Variants in ZPBP observed in about 807,000 individuals in gnomAD.
ZPBP encodes zona pellucida-binding protein 1.
Under a neutral mutation model 44.8 loss-of-function variants are expected in ZPBP, and 26 were observed. That is an observed-to-expected ratio of 0.58 (90% CI 0.43 to 0.81). ZPBP has a LOEUF of 0.81. ZPBP is among the 30% of genes least tolerant of loss of function. The pLI, the probability that ZPBP is intolerant of heterozygous loss-of-function variation, is 0.00. For synonymous variants in ZPBP, 174 were observed against 153.2 expected (o/e 1.14, Z -1.00); for missense variants, 409 against 434.0 (o/e 0.94, Z 0.51).
Position 50,057,900 on chromosome 7 carries a change from A to G in ZPBP, c.487+89T>C, listed in dbSNP as rs1414088935. 18 of 1,246,078 alleles carry G rather than the reference A, an allele frequency of 1.4e-5. No homozygotes were observed. The Admixed American group carries it at 4.1e-4, about 29-fold the overall frequency. 77.2% of individuals were successfully genotyped at this position (1,246,078 alleles called of 1,614,324 possible). On this transcript the variant is annotated intron_variant, in intron 4 of 7. Coordinates refer to ENST00000046087, the MANE Select transcript of ZPBP (RefSeq NM_007009.3). Reference sequence around the variant, plus strand: ...TTAATTAAATGAGACTAAAAATAACAAAGTCCCTTTAAGACAAGCCTACTT... The same window carrying G: ...TTAATTAAATGAGACTAAAAATAACGAAGTCCCTTTAAGACAAGCCTACTT...
intron 5 of ZPBP, among the ~76,000 whole-genome samples, chr7:50,028,767 A>C (rs2128810512): frequency 6.6e-6 from 1 of 152,244 alleles, no homozygotes; most frequent in South Asian, 2.1e-4. Context: ...AATACTTAGA[A>C]ATACATTTGT....
At chr7:50,046,943 C>T (rs1800400345) in intron 4 of ZPBP, among the ~76,000 whole-genome samples, 1 of 152,156 alleles carries the variant, frequency 6.6e-6, no homozygotes, top group South Asian at 2.1e-4. Context: ...GGCATACGCA[C>T]ACCATGGAAT....
chr7:50,061,106 C>T (rs527651115), intron 3 of ZPBP, among the ~76,000 whole-genome samples: 70 of 152,268 alleles, frequency 4.6e-4, no homozygotes, highest in African/African-American at 1.5e-3. Context: ...CAATGAAATT[C>T]AACCTCCCTT....
chr7:49,976,123 C>T (rs1290158485), intron 7 of ZPBP, among the ~76,000 whole-genome samples: 1 of 152,138 alleles, frequency 6.6e-6, no homozygotes, highest in African/African-American at 2.4e-5. Context: ...TATTTACTCC[C>T]TCTTGCTTCT....
intron 2 of ZPBP, among the ~76,000 whole-genome samples, chr7:49,861,593 C>T (rs1167798795): frequency 6.6e-6 from 1 of 152,090 alleles, no homozygotes; most frequent in Non-Finnish European, 1.5e-5. Flanking sequence ...AGATTTAAAC[C>T]TTTATTTTCT....
chr7:49,933,942 A>G (rs560981964), downstream of ZPBP, among the ~76,000 whole-genome samples: 1 of 151,496 alleles, frequency 6.6e-6, no homozygotes, highest in East Asian at 1.9e-4. Flanking sequence ...TAGGAGATAT[A>G]CCTAATATTA....
rs536880676 is a variant in ZPBP at position 49,892,031 on chromosome 7, A to ATTTT, written n.509+9083_509+9086dup. ...GCAGTTGGCAGAACAGACAAAGTAG[A>ATTTT]TTTTTTTTTTTTTTTTTTTTTTTTT... is the stretch of plus-strand genomic sequence containing the variant. On this transcript the variant is annotated intron_variant and non_coding_transcript_variant, in intron 2 of 2. Coordinates refer to the ZPBP transcript ENST00000465922. 2.3e-4 allele frequency among the ~76,000 whole-genome samples: 12 copies of ATTTT among 53,288 alleles called. 1 individual carries two copies. The highest frequency in any genetic ancestry group is 2.7e-4 in the Non-Finnish European group (8 of 29,922). The allele number at this position is 53,288 out of a possible 152,430, so 35.0% of individuals were successfully genotyped here.
intron 7 of ZPBP, chr7:49,940,758 T>C (rs918752585): frequency 2.0e-6 from 2 of 984,930 alleles, no homozygotes; most frequent in African/African-American, 3.5e-5. Context: ...GAAGATTCCA[T>C]CCTACACAAC....
At chr7:49,930,232 C>T (rs1794401370) in intron 1 of ZPBP, among the ~76,000 whole-genome samples, 1 of 152,174 alleles carries the variant, frequency 6.6e-6, no homozygotes, top group Non-Finnish European at 1.5e-5. Flanking sequence ...CTAAGGGGAA[C>T]CACTGAATCA....
intron 7 of ZPBP, among the ~76,000 whole-genome samples, chr7:49,955,156 A>C (rs1795522671): frequency 6.6e-6 from 1 of 152,178 alleles, no homozygotes; most frequent in Non-Finnish European, 1.5e-5. Context: ...AAATAAAATT[A>C]GTGGGCTATA....
At chr7:49,875,438 G>GAA (rs142568255) in intron 2 of ZPBP, among the ~76,000 whole-genome samples, 2 of 127,676 alleles carry the variant, frequency 1.6e-5, no homozygotes, top group South Asian at 2.5e-4. Flanking sequence ...TTAAAAATAG[G>GAA]AAAAAAAAAA....
At chr7:49,930,209 G>T (rs1794400549) in intron 1 of ZPBP, among the ~76,000 whole-genome samples, 1 of 152,170 alleles carries the variant, frequency 6.6e-6, no homozygotes, top group African/African-American at 2.4e-5. Flanking sequence ...ATGCTGCAGA[G>T]CCACTGCACC....
At chr7:50,020,080 G>A (rs995914240) in intron 5 of ZPBP, among the ~76,000 whole-genome samples, 16 of 151,270 alleles carry the variant, frequency 1.1e-4, no homozygotes, top group South Asian at 2.1e-4. Context: ...AGAAATATAC[G>A]TAGAGTTATG....
At chr7:49,870,637 A>G (rs1191470118) in intron 2 of ZPBP, among the ~76,000 whole-genome samples, 1 of 152,200 alleles carries the variant, frequency 6.6e-6, no homozygotes, top group Non-Finnish European at 1.5e-5. Context: ...TATAGCTCAC[A>G]TGTGCATCAG....
At chr7:50,075,954 A>C (rs184270168) in intron 3 of ZPBP, among the ~76,000 whole-genome samples, 1 of 152,008 alleles carries the variant, frequency 6.6e-6, no homozygotes, top group Non-Finnish European at 1.5e-5. Flanking sequence ...CATCATAAAA[A>C]GAAAACTACA....
chr7:49,917,638 T>C (rs541388409), intron 1 of ZPBP: 1 of 152,330 alleles, frequency 6.6e-6, no homozygotes, highest in South Asian at 2.1e-4. Flanking sequence ...ATTGCGACTT[T>C]AGTTTTTAAT....
At chr7:49,844,153 G>A in the ZPBP span, among the ~76,000 whole-genome samples, 77,090 of 152,032 alleles carry the variant, frequency 0.51, 22,547 homozygotes, top group East Asian at 0.85. Context: ...GGACCGCAAC[G>A]TGGAAAGGTC....
At position 49,877,483 on chromosome 7, in the gene ZPBP, T is replaced by TAA. The variant is rs1562747776; in HGVS notation, n.509+23634_509+23635insTT. ...GTCTCAAAAAAAAAAAAAAAAAAAATATATATATATATATATATATATATA... is the reference window on the plus strand; with the variant it reads ...GTCTCAAAAAAAAAAAAAAAAAAAATAAATATATATATATATATATATATATA... On this transcript the variant is annotated intron_variant and non_coding_transcript_variant, in intron 2 of 2. Coordinates refer to the ZPBP transcript ENST00000465922. Among the ~76,000 whole-genome samples, 4 of 10,480 alleles carry TAA rather than the reference T, an allele frequency of 3.8e-4. 1 individual carries two copies. The highest frequency in any genetic ancestry group is 5.0e-4 in the Non-Finnish European group (3 of 6,012). The allele number at this position is 10,480 out of a possible 152,430, so 6.9% of individuals were successfully genotyped here. A position where few individuals can be genotyped will look rare whatever the true frequency, so the allele number is the denominator to read the frequency against.
chr7:49,920,559 T>C (rs1793972938), intron 1 of ZPBP: 1 of 152,152 alleles, frequency 6.6e-6, no homozygotes. Flanking sequence ...ACCTAAGCAG[T>C]GAAGGATGTA....
Sources: allele counts gnomAD v4.1 joint callset (sites outside exome capture counted in the v4.1 genomes callset), GRCh38; gene constraint gnomAD v4.1.1; transcripts MANE v1.5; gene names NCBI Gene and HGNC (gene_info 2026-07-23, HGNC 2026-07-21).